Variants in GNG7 observed in about 807,000 individuals in gnomAD.
GNG7 encodes the protein guanine nucleotide-binding protein G(I)/G(S)/G(O) subunit gamma-7.
GNG7 carries 1 observed loss-of-function variant against 4.0 expected under a neutral mutation model. The ratio of observed to expected loss-of-function variants is 0.25; its 90% CI spans 0.09 to 1.18. The LOEUF is 1.18. GNG7 is among the 50% of genes most tolerant of loss of function. GNG7 has a pLI of 0.50. For missense variants in GNG7, 86 were observed against 91.9 expected (o/e 0.94, Z 0.26); for synonymous variants, 34 against 36.9 (o/e 0.92, Z 0.29).
intron 2 of GNG7, among the ~76,000 whole-genome samples, chr19:2,603,716 C>G (rs1052762497): frequency 3.3e-5 from 5 of 152,164 alleles, no homozygotes; most frequent in African/African-American, 1.2e-4. Flanking sequence ...TTTTTATTCA[C>G]TGTTCATAGA....
intron 2 of GNG7, among the ~76,000 whole-genome samples, chr19:2,600,521 G>T (rs1981167904): frequency 6.7e-6 from 1 of 149,624 alleles, no homozygotes; most frequent in Non-Finnish European, 1.5e-5. Flanking sequence ...ACCCAGGCTG[G>T]AGTGCAGTGG....
chr19:2,601,016 T>C (rs532650655), intron 2 of GNG7, among the ~76,000 whole-genome samples: 1 of 152,156 alleles, frequency 6.6e-6, no homozygotes, highest in South Asian at 2.1e-4. Flanking sequence ...GTGCCTGTGC[T>C]CCCAGCTACT....
intron 3 of GNG7, among the ~76,000 whole-genome samples, chr19:2,532,925 C>A (rs1158403557): frequency 6.6e-6 from 1 of 152,064 alleles, no homozygotes; most frequent in Admixed American, 6.6e-5. Flanking sequence ...CACCTATGAC[C>A]CAGCAATTCC....
intron 3 of GNG7, among the ~76,000 whole-genome samples, chr19:2,525,628 G>A (rs981973637): frequency 1.3e-5 from 2 of 152,178 alleles, no homozygotes; most frequent in African/African-American, 4.8e-5. Context: ...GACAGGAGCT[G>A]GCAGCACCGG....
Position 2,546,104 on chromosome 19 carries a change from C to T in GNG7, c.-38+9045G>A, listed in dbSNP as rs890195487. Among the ~76,000 whole-genome samples, 8 of 152,218 alleles carry T rather than the reference C, an allele frequency of 5.3e-5. No homozygotes were observed. Among genetic ancestry groups the T allele is most frequent in the African/African-American group, 1.7e-4 (7 of 41,448 alleles). On this transcript the variant is annotated intron_variant, in intron 3 of 4. Coordinates refer to ENST00000382159, the MANE Select transcript of GNG7 (RefSeq NM_052847.3). This position sits in a 1 kb window ranked among gnomAD's most constrained non-coding sequence, Gnocchi z 6.3. ...TGGCAGCTGGGATGCAGGCCCCCCA[C>T]GGCCTGCCATGTTCTCACCAGGACG...
At chr19:2,639,199 A>C (rs1599435079) in intron 2 of GNG7, among the ~76,000 whole-genome samples, 2 of 151,112 alleles carry the variant, frequency 1.3e-5, no homozygotes, top group Non-Finnish European at 2.9e-5. Context: ...GCGCCACTGC[A>C]CTCCAGCCTG....
chr19:2,544,117 G>T (rs777409476), intron 3 of GNG7, among the ~76,000 whole-genome samples: 2 of 152,192 alleles, frequency 1.3e-5, no homozygotes, highest in Non-Finnish European at 2.9e-5. Flanking sequence ...GCCCTTCCCC[G>T]TGGAGGGATG....
chr19:2,660,259 T>C (rs1983111753), intron 1 of GNG7, among the ~76,000 whole-genome samples: 1 of 152,176 alleles, frequency 6.6e-6, no homozygotes, highest in South Asian at 2.1e-4. Flanking sequence ...TCATCCCCGT[T>C]ACACCCACAA....
At chr19:2,642,111 C>A (rs1982524404) in intron 2 of GNG7, 1 of 157,788 alleles carries the variant, frequency 6.3e-6, no homozygotes, top group African/African-American at 2.4e-5. Flanking sequence ...CCGATCCAGG[C>A]CCTCGGGGCT....
At chr19:2,669,234 G>A (rs1983387955) in intron 1 of GNG7, among the ~76,000 whole-genome samples, 1 of 152,208 alleles carries the variant, frequency 6.6e-6, no homozygotes, top group Non-Finnish European at 1.5e-5. Context: ...GCTCACACCT[G>A]CCATCCCAGC....
intron 1 of GNG7, among the ~76,000 whole-genome samples, chr19:2,687,567 G>A (rs527845319): frequency 1.3e-5 from 2 of 152,246 alleles, no homozygotes; most frequent in South Asian, 4.1e-4. Flanking sequence ...GGTGAGCCGA[G>A]ATCGCACCAT....
chr19:2,661,302 G>GGAAAGAAAGAAAGAAAGAAAGAAAGAAAA (rs1473005292), intron 1 of GNG7, among the ~76,000 whole-genome samples: 10 of 73,124 alleles, frequency 1.4e-4, no homozygotes, highest in African/African-American at 4.9e-4. Flanking sequence ...AAGAAAGAAA[G>GGAAAGAAAGAAAGAAAGAAAGAAAGAAAA]AGAAAGAAAG....
At chr19:2,524,328 G>A (rs1462079985) in intron 3 of GNG7, among the ~76,000 whole-genome samples, 2 of 152,232 alleles carry the variant, frequency 1.3e-5, no homozygotes, top group South Asian at 2.1e-4. Context: ...AGAGGACTGC[G>A]CTGTGTGTGT....
chr19:2,593,325 T>G (rs1013082712), intron 2 of GNG7, among the ~76,000 whole-genome samples: 16 of 152,322 alleles, frequency 1.1e-4, no homozygotes, highest in Admixed American at 3.9e-4. Context: ...ACTTGGAATG[T>G]TTGTCTTTAT....
chr19:2,697,945 C>G (rs545817251), intron 1 of GNG7, among the ~76,000 whole-genome samples: 44 of 151,544 alleles, frequency 2.9e-4, no homozygotes, highest in Non-Finnish European at 5.6e-4. Context: ...GCACTCCAGC[C>G]TGGGCAATGA....
At chr19:2,652,347 C>T (rs567076391) in intron 1 of GNG7, among the ~76,000 whole-genome samples, 36 of 152,142 alleles carry the variant, frequency 2.4e-4, no homozygotes, top group African/African-American at 6.7e-4. Flanking sequence ...CAGCCAGGCA[C>T]GGTGGCTCAT....
chr19:2,646,673 A>G (rs1982675212), intron 1 of GNG7, among the ~76,000 whole-genome samples: 2 of 145,746 alleles, frequency 1.4e-5, no homozygotes, highest in Admixed American at 6.9e-5. Flanking sequence ...CAACAGGGCA[A>G]GACTCTGCTT....
intron 1 of GNG7, among the ~76,000 whole-genome samples, chr19:2,659,809 A>C (rs915131981): frequency 6.2e-4 from 94 of 151,066 alleles, no homozygotes; most frequent in African/African-American, 2.1e-3. Flanking sequence ...AGGAAAGGAG[A>C]GACACCCACT....
At chr19:2,526,796 AT>A (rs1385498223) in intron 3 of GNG7, among the ~76,000 whole-genome samples, 3 of 150,744 alleles carry the variant, frequency 2.0e-5, no homozygotes, top group African/African-American at 7.3e-5. Flanking sequence ...ATCTGTATAT[AT>A]GTATTATATA....
Sources: allele counts gnomAD v4.1 joint callset (sites outside exome capture counted in the v4.1 genomes callset), GRCh38; gene constraint gnomAD v4.1.1; non-coding constraint Gnocchi (gnomAD v3.1); transcripts MANE v1.5; gene names NCBI Gene and HGNC (gene_info 2026-07-23, HGNC 2026-07-21).